Variants in CSTL1 observed in about 807,000 individuals in gnomAD.
CSTL1 encodes cystatin like 1.
In CSTL1, 14 loss-of-function variants were observed where a neutral mutation model predicts 14.4. That is an observed-to-expected ratio of 0.97 (90% CI 0.64 to 1.52). CSTL1 has a LOEUF of 1.52. Among genes scored for constraint, CSTL1 ranks in the 40% most tolerant of loss-of-function variants. CSTL1 has a pLI of 0.00. For synonymous variants in CSTL1, 72 were observed against 67.5 expected, an observed-to-expected ratio of 1.07 and a Z score of -0.33; for missense variants, 170 against 168.7, an observed-to-expected ratio of 1.01 and a Z score of -0.04.
At chr20:23,458,271 C>A in the CSTL1 span, among the ~76,000 whole-genome samples, 1 of 152,198 alleles carries the variant, frequency 6.6e-6, no homozygotes, top group Non-Finnish European at 1.5e-5. Context: ...CCCAAAGTTC[C>A]TGCAGCCACA....
chr20:23,457,435 A>C, the CSTL1 span: 1 of 152,282 alleles, frequency 6.6e-6, no homozygotes, highest in African/African-American at 2.4e-5. Flanking sequence ...TGTCCTAATA[A>C]AAAATTCCAT....
chr20:23,453,285 G>A, the CSTL1 span, among the ~76,000 whole-genome samples: 2 of 152,082 alleles, frequency 1.3e-5, no homozygotes, highest in East Asian at 1.9e-4. Flanking sequence ...TCCTGGAGAC[G>A]AGTTCTGGAA....
chr20:23,444,375 C>T, intron 3 of CSTL1, among the ~76,000 whole-genome samples: 1 of 152,260 alleles, frequency 6.6e-6, no homozygotes, highest in Admixed American at 6.5e-5. Context: ...TGTCCAATTT[C>T]CTCCTTGTTC....
rs769671920 is a variant in CSTL1, at chr20:23,440,259, G to T, written c.-9G>T. 18 of 1,613,808 alleles carry T rather than the reference G, an allele frequency of 1.1e-5. No homozygotes were observed. Among genetic ancestry groups the T allele is most frequent in the Middle Eastern group, 3.4e-4 (2 of 5,826 alleles). ...TGCAGTTGGGAAGAAAGTTTCTGAG[G>T]CTGTAGACATGGGGATCGGATGCTG... On this transcript the variant is annotated 5_prime_UTR_variant, in exon 2 of 4. Coordinates refer to ENST00000347397, the MANE Select transcript of CSTL1 (RefSeq NM_138283.1).
downstream of CSTL1, among the ~76,000 whole-genome samples, chr20:23,445,707 A>C (rs1203698713): frequency 2.6e-5 from 4 of 152,192 alleles, no homozygotes; most frequent in Non-Finnish European, 5.9e-5. Flanking sequence ...TTCCCAGCAC[A>C]CACACAACAC....
At chr20:23,443,660 G>C (rs1986890698) in intron 2 of CSTL1, among the ~76,000 whole-genome samples, 1 of 152,212 alleles carries the variant, frequency 6.6e-6, no homozygotes, top group African/African-American at 2.4e-5. Context: ...AACCCAGCTT[G>C]ATGTTGCCTC....
In CSTL1 at chr20:23,443,951, G is replaced by A. The variant is rs748577800; in HGVS notation, c.237G>A (p.Glu79=). 3.7e-6 allele frequency: 6 copies of A among 1,613,948 alleles called. No homozygotes were observed. The highest frequency in any genetic ancestry group is 1.3e-5 in the African/African-American group (1 of 75,048). The change falls in exon 3 of 4, where the codon GAG becomes GAA. Residue 79 remains glutamate, a synonymous_variant. Transcript: ENST00000347397. ...RSQMQLTTGV[E]YIVTVKIGWT... ...CTCGGCAGCTGACGACGGGAGTGGA[G>A]TATATAGTCACTGTGAAGATTGGCT...
At chr20:23,446,199 C>T (rs1191977297), downstream of CSTL1, among the ~76,000 whole-genome samples, 1 of 152,060 alleles carries the variant, frequency 6.6e-6, no homozygotes, top group Non-Finnish European at 1.5e-5. Flanking sequence ...GAACTGTTGA[C>T]CCTCCAAGTT....
At chr20:23,444,953 T>C, downstream of CSTL1, 1 of 978,286 alleles carries the variant, frequency 1.0e-6, no homozygotes, top group Non-Finnish European at 1.6e-6. Context: ...TGGGGTCTTA[T>C]TACACATGCA....
downstream of CSTL1, among the ~76,000 whole-genome samples, chr20:23,446,280 G>A (rs1335168465): frequency 2.0e-5 from 3 of 149,208 alleles, no homozygotes; most frequent in Non-Finnish European, 4.4e-5. Context: ...TTTTTGAGAC[G>A]AAGTCTCGCT....
chr20:23,452,817 A>G, the CSTL1 span: 2,277 of 1,608,336 alleles, frequency 1.4e-3, 35 homozygotes, highest in African/African-American at 0.026. Flanking sequence ...ATCATCCTTC[A>G]GCTGCAGAGG....
the CSTL1 span, among the ~76,000 whole-genome samples, chr20:23,460,497 CAT>C: frequency 6.6e-6 from 1 of 152,126 alleles, no homozygotes; most frequent in Admixed American, 6.5e-5. Flanking sequence ...CTTTTTAATT[CAT>C]AAATTTTGTA....
Position 23,440,404 on chromosome 20 carries a change from A to G in CSTL1, c.137A>G (p.Asn46Ser), listed in dbSNP as rs759822593. The change falls in exon 2 of 4, where the codon AAC becomes AGC. Residue 46 changes from asparagine (N) to serine (S), a missense_variant. Asn to Ser is a conservative substitution (Grantham distance 46). Coordinates refer to ENST00000347397, the MANE Select transcript of CSTL1 (RefSeq NM_138283.1). Reference protein sequence around the residue: ...MSKKNMNSTLNFFIQSYNNAS... With the variant: ...MSKKNMNSTLSFFIQSYNNAS... ...AAGAAGAACATGAATTCAACACTCAACTTCTTCATTCAATCCTACAACAAT... is the reference window on the plus strand; with the variant it reads ...AAGAAGAACATGAATTCAACACTCAGCTTCTTCATTCAATCCTACAACAAT... 1.2e-6 allele frequency: 2 copies of G among 1,614,006 alleles called. No individual in the cohort carries two copies. The highest frequency in any genetic ancestry group is 1.7e-6 in the Non-Finnish European group (2 of 1,179,988).
the CSTL1 span, chr20:23,451,719 G>A: frequency 6.7e-6 from 6 of 889,504 alleles, no homozygotes; most frequent in Admixed American, 1.3e-4. Flanking sequence ...GCCAGCTTGA[G>A]TAAATTCCAA....
chr20:23,451,675 GAGGAA>G, the CSTL1 span: 1 of 579,014 alleles, frequency 1.7e-6, no homozygotes, highest in South Asian at 2.1e-5. Context: ...TTCCCTCTCT[GAGGAA>G]GGAGGTGTTA....
chr20:23,440,596 G>A (rs757869056), intron 2 of CSTL1, 110 bp downstream of exon 2: 2 of 826,074 alleles, frequency 2.4e-6, no homozygotes, highest in South Asian at 1.3e-5. Context: ...CCTCCGTGAG[G>A]TCCCAAGGGG....
chr20:23,455,898 C>CA, the CSTL1 span, among the ~76,000 whole-genome samples: 6 of 152,212 alleles, frequency 3.9e-5, no homozygotes, highest in African/African-American at 1.4e-4. Flanking sequence ...CCACATCCTC[C>CA]AGCCCTCTTG....
At chr20:23,445,022 A>G, downstream of CSTL1, 1 of 657,762 alleles carries the variant, frequency 1.5e-6, no homozygotes, top group Non-Finnish European at 2.8e-6. Context: ...ACTTACCTTC[A>G]CAACCCACAC....
chr20:23,452,861 C>G, the CSTL1 span: 2 of 1,437,614 alleles, frequency 1.4e-6, no homozygotes, highest in Non-Finnish European at 1.9e-6. Context: ...TCCTCAGGGA[C>G]AAGTCGAATC....
Sources: gnomAD v4.1 joint callset for allele counts (sites outside exome capture counted in the v4.1 genomes callset) on GRCh38, gnomAD v4.1.1 for gene constraint, MANE v1.5 for transcripts, NCBI Gene and HGNC (gene_info 2026-07-23, HGNC 2026-07-21) for gene names.